PLCE1: variants seen among roughly 807,000 people sequenced by gnomAD.
PLCE1 encodes phospholipase C epsilon 1.
In PLCE1, 119 loss-of-function variants were observed where a neutral mutation model predicts 242.8. The observed-to-expected ratio is 0.49, with a 90% confidence interval of 0.42 to 0.57. PLCE1 has a LOEUF of 0.57. Among genes scored for constraint, PLCE1 ranks in the 20% least tolerant of loss-of-function variants. The pLI, the probability that PLCE1 is intolerant of heterozygous loss-of-function variation, is 0.00. For synonymous variants in PLCE1, 945 were observed against 1,017.4 expected, an observed-to-expected ratio of 0.93 and a Z score of 1.35; for missense variants, 2,441 against 2,788.8, an observed-to-expected ratio of 0.88 and a Z score of 2.81.
At chr10:94,222,133 G>C (rs1004154516) in intron 4 of PLCE1, among the ~76,000 whole-genome samples, 2 of 152,246 alleles carry the variant, frequency 1.3e-5, no homozygotes, top group Non-Finnish European at 2.9e-5. Flanking sequence ...GGTCTGCTGG[G>C]GGAGACAGAA....
At chr10:94,271,212 A>G (rs1432038109) in intron 18 of PLCE1, among the ~76,000 whole-genome samples, 2 of 151,958 alleles carry the variant, frequency 1.3e-5, no homozygotes, top group African/African-American at 2.4e-5. Flanking sequence ...TGGTACCACA[A>G]GTCAGGGATG....
At position 94,132,164 on chromosome 10, in the gene PLCE1, C is replaced by CT. The variant is rs1167766589; in HGVS notation, c.1207-9dup. ...AGATTAATACTTCCTGTACTTTGTG[C>CT]TATTCACAGATCTACAATGCAGTGA... is the stretch of plus-strand genomic sequence containing the variant. On this transcript the variant is annotated splice_polypyrimidine_tract_variant and intron_variant, in intron 2 of 32. Coordinates refer to ENST00000371380, the MANE Select transcript of PLCE1 (RefSeq NM_016341.4). 3 of 1,612,588 alleles carry CT rather than the reference C, an allele frequency of 1.9e-6. No individual in the cohort carries two copies. Among genetic ancestry groups the CT allele is most frequent in the Non-Finnish European group, 8.5e-7 (1 of 1,178,860 alleles).
Position 94,193,353 on chromosome 10 carries a change from G to A in PLCE1, c.1809+21857G>A, listed in dbSNP as rs556702977. On this transcript the variant is annotated intron_variant, in intron 4 of 32. Coordinates refer to ENST00000371380, the MANE Select transcript of PLCE1 (RefSeq NM_016341.4). ...AGACTCACAGCAAACAAAGGTGAAA[G>A]CCTGGATGGTGAAAGCCACCATCCT... 8.5e-5 allele frequency among the ~76,000 whole-genome samples: 13 copies of A among 152,310 alleles called. No individual in the cohort carries two copies. In the South Asian group the frequency reaches 2.7e-3, roughly 32 times the overall value.
chr10:94,131,688 G>A (rs2046602891), intron 2 of PLCE1, among the ~76,000 whole-genome samples: 1 of 152,110 alleles, frequency 6.6e-6, no homozygotes, highest in Non-Finnish European at 1.5e-5. Flanking sequence ...TGCCCAAAGG[G>A]GAAATAGGGA....
At chr10:94,238,618 C>CT (rs998054815) in intron 7 of PLCE1, among the ~76,000 whole-genome samples, 1 of 152,106 alleles carries the variant, frequency 6.6e-6, no homozygotes, top group African/African-American at 2.4e-5. Context: ...TTAATAATTA[C>CT]TTTTTTATTT....
At chr10:94,155,139 C>T (rs1239774405) in intron 3 of PLCE1, among the ~76,000 whole-genome samples, 2 of 151,804 alleles carry the variant, frequency 1.3e-5, no homozygotes, top group Non-Finnish European at 2.9e-5. Flanking sequence ...TAGTTATATA[C>T]CCAAGAGAAG....
chr10:94,324,668 T>C (rs2053943129), intron 31 of PLCE1, 101 bp downstream of exon 31: 1 of 1,091,352 alleles, frequency 9.2e-7, no homozygotes, highest in African/African-American at 1.5e-5. Flanking sequence ...AGAAAGTTCC[T>C]GAGTCAAGGA....
rs529949728 is a variant in PLCE1 at position 94,005,464 on chromosome 10, G to C, written c.-365+11206G>C. On this transcript the variant is annotated intron_variant, in intron 1 of 32. Coordinates refer to ENST00000371380, the MANE Select transcript of PLCE1 (RefSeq NM_016341.4). ...TCTATATCCAGGATTTGCCATCAAA[G>C]ATGTTTCAGTCAGTTAGAGAGACAT... Among the ~76,000 whole-genome samples the C allele has an allele frequency of 1.1e-3, 166 of 152,340 alleles. 1 individual carries two copies. The highest frequency in any genetic ancestry group is 3.8e-3 in the African/African-American group (157 of 41,572).
intron 4 of PLCE1, among the ~76,000 whole-genome samples, chr10:94,218,980 T>G (rs1288628356): frequency 6.8e-6 from 1 of 147,610 alleles, no homozygotes. Flanking sequence ...TAATTAATTA[T>G]AGTTATATAT....
intron 4 of PLCE1, among the ~76,000 whole-genome samples, chr10:94,190,977 C>G (rs2048645449): frequency 6.6e-6 from 1 of 152,106 alleles, no homozygotes; most frequent in African/African-American, 2.4e-5. Flanking sequence ...TGGTAACACC[C>G]CCTGACATGG....
In PLCE1 at chr10:94,265,776, A is replaced by T. The variant is rs1202587350; in HGVS notation, c.4116-17A>T. Reference sequence around the variant, plus strand: ...GCATTTTTCCCATGCAGTCTTAAGAAAATTTGTTTCACCTAGGTTTCTGAT... The same window carrying T: ...GCATTTTTCCCATGCAGTCTTAAGATAATTTGTTTCACCTAGGTTTCTGAT... On this transcript the variant is annotated splice_polypyrimidine_tract_variant and intron_variant, in intron 15 of 32. Transcript: ENST00000371380. The T allele has an allele frequency of 1.9e-6, 3 of 1,614,072 alleles. No homozygotes were observed. The highest frequency in any genetic ancestry group is 1.1e-5 in the South Asian group (1 of 91,084).
At chr10:94,178,259 T>G (rs2048185932) in intron 4 of PLCE1, among the ~76,000 whole-genome samples, 1 of 152,172 alleles carries the variant, frequency 6.6e-6, no homozygotes, top group African/African-American at 2.4e-5. Flanking sequence ...TTTTGCTTGT[T>G]GGGTGGTTCT....
intron 32 of PLCE1, among the ~76,000 whole-genome samples, chr10:94,325,881 CCTT>C (rs1266538688): frequency 1.3e-5 from 2 of 152,110 alleles, no homozygotes; most frequent in Admixed American, 6.5e-5. Context: ...AACCTCATCT[CCTT>C]CTGCCTCAAT....
rs78614980 is a variant in PLCE1 at position 94,028,294 on chromosome 10, T to C, written c.-364-2389T>C. On this transcript the variant is annotated intron_variant, in intron 1 of 32. Transcript: ENST00000371380. ...GTTGCAGATACAATCATCTAAAGCC[T>C]TGACTATAGCTGGAGGATCCGCTTC... is the stretch of plus-strand genomic sequence containing the variant. Among the ~76,000 whole-genome samples the C allele has an allele frequency of 4.8e-3, 730 of 152,290 alleles. 2 individuals are homozygous for C. The highest frequency in any genetic ancestry group is 0.01 in the Middle Eastern group (3 of 294).
chr10:94,147,409 G>A (rs1396857051), intron 3 of PLCE1, among the ~76,000 whole-genome samples: 4 of 151,940 alleles, frequency 2.6e-5, no homozygotes. Flanking sequence ...GCAACAGAGG[G>A]AGACCTTGCC....
chr10:94,147,852 T>C (rs1337689596), intron 3 of PLCE1, among the ~76,000 whole-genome samples: 1 of 152,192 alleles, frequency 6.6e-6, no homozygotes, highest in East Asian at 1.9e-4. Flanking sequence ...ATTTGCAGAA[T>C]GCCTGCCACC....
chr10:94,053,275 C>T (rs961238806), intron 2 of PLCE1, among the ~76,000 whole-genome samples: 16 of 152,150 alleles, frequency 1.1e-4, no homozygotes, highest in African/African-American at 3.6e-4. Context: ...CATGAGGATT[C>T]GGTATCTGAA....
chr10:94,147,597 A>AC (rs2047155814), intron 3 of PLCE1, among the ~76,000 whole-genome samples: 2 of 152,180 alleles, frequency 1.3e-5, no homozygotes, highest in Admixed American at 1.3e-4. Context: ...CTATATTGTG[A>AC]CAGCGGAGGG....
At chr10:94,124,639 C>T (rs2046389787) in intron 2 of PLCE1, among the ~76,000 whole-genome samples, 2 of 152,132 alleles carry the variant, frequency 1.3e-5, no homozygotes, top group Admixed American at 1.3e-4. Context: ...TGTTCTCCAG[C>T]ATCTACCATA....
Sources: gnomAD v4.1 joint callset for allele counts (sites outside exome capture counted in the v4.1 genomes callset) on GRCh38, gnomAD v4.1.1 for gene constraint, MANE v1.5 for transcripts, NCBI Gene and HGNC (gene_info 2026-07-23, HGNC 2026-07-21) for gene names.